Variants in PDE1C observed in about 807,000 individuals in gnomAD.
PDE1C encodes the protein phosphodiesterase 1C, also known as dual specificity calcium/calmodulin-dependent 3',5'-cyclic nucleotide phosphodiesterase 1C.
Under a neutral mutation model 93.1 loss-of-function variants are expected in PDE1C, and 62 were observed. The ratio of observed to expected loss-of-function variants is 0.67; its 90% confidence interval spans 0.54 to 0.82. The LOEUF is 0.82. Among genes scored for constraint, PDE1C ranks in the 40% least tolerant of loss-of-function variants. PDE1C has a pLI of 0.00. For missense variants in PDE1C, 742 were observed against 884.6 expected (o/e 0.84, Z 2.04); for synonymous variants, 325 against 310.1 (o/e 1.05, Z -0.50).
At chr7:32,287,044 G>A (rs1172279047) in intron 1 of PDE1C, among the ~76,000 whole-genome samples, 1 of 152,184 alleles carries the variant, frequency 6.6e-6, no homozygotes, top group Non-Finnish European at 1.5e-5. Context: ...CCCAGATAGA[G>A]AGGAAGAATG....
the PDE1C span, chr7:31,692,320 G>A: frequency 2.6e-6 from 2 of 779,288 alleles, no homozygotes; most frequent in African/African-American, 1.7e-5. Flanking sequence ...AATAGCAGGT[G>A]CTCAACAAAT....
chr7:32,109,098 C>T (rs1477271178), intron 3 of PDE1C, among the ~76,000 whole-genome samples: 1 of 152,068 alleles, frequency 6.6e-6, no homozygotes, highest in Non-Finnish European at 1.5e-5. Context: ...TTACTGAGGG[C>T]CCACCCTTCT....
intron 2 of PDE1C, among the ~76,000 whole-genome samples, chr7:31,964,893 G>C (rs1809660875): frequency 6.6e-6 from 1 of 152,152 alleles, no homozygotes; most frequent in African/African-American, 2.4e-5. Flanking sequence ...TACAGCTGAG[G>C]GTCCTGACTG....
At chr7:32,207,364 A>G (rs1218761425) in intron 2 of PDE1C, among the ~76,000 whole-genome samples, 1 of 150,860 alleles carries the variant, frequency 6.6e-6, no homozygotes, top group Non-Finnish European at 1.5e-5. Flanking sequence ...TCAAAAAAAA[A>G]AAAAAAAACT....
intron 2 of PDE1C, among the ~76,000 whole-genome samples, chr7:32,042,272 C>G (rs559217168): frequency 1.3e-5 from 2 of 152,270 alleles, no homozygotes; most frequent in African/African-American, 4.8e-5. Flanking sequence ...TGCACTCCAG[C>G]CTGGGCAATG....
chr7:32,403,577 G>C (rs1784993214), intron 1 of PDE1C, among the ~76,000 whole-genome samples: 1 of 152,182 alleles, frequency 6.6e-6, no homozygotes, highest in Non-Finnish European at 1.5e-5. Flanking sequence ...CTGCGGTGTG[G>C]AAGCATAAAG....
chr7:31,762,324 T>C (rs1324048637), intron 17 of PDE1C, among the ~76,000 whole-genome samples: 2 of 152,122 alleles, frequency 1.3e-5, no homozygotes, highest in African/African-American at 4.8e-5. Context: ...AAAACTAGAA[T>C]GATTAAGCCC....
the PDE1C span, chr7:31,707,109 G>C: frequency 3.4e-5 from 37 of 1,099,926 alleles, no homozygotes; most frequent in African/African-American, 5.6e-4. Context: ...AGAGGTTTCT[G>C]GGTTGCCATG....
chr7:31,794,042 A>AGATAGATAGACG lies in PDE1C; in HGVS notation c.1891+14988_1891+14989insCGTCTATCTATC, dbSNP rs1157143757. Among the ~76,000 whole-genome samples the AGATAGATAGACG allele has an allele frequency of 2.3e-3, 197 of 84,586 alleles. 2 individuals carry two copies. Among genetic ancestry groups the AGATAGATAGACG allele is most frequent in the East Asian group, 0.011 (27 of 2,472 alleles). The allele number at this position is 84,586 out of a possible 152,430, so 55.5% of individuals were successfully genotyped here. ...TAGATAGATAGATAGATAGATAGATAGACAGACAGACAGACAGACAGACAG... is the reference window on the plus strand; with the variant it reads ...TAGATAGATAGATAGATAGATAGATAGATAGATAGACGGACAGACAGACAGACAGACAGACAG... On this transcript the variant is annotated intron_variant, in intron 16 of 17. Coordinates refer to ENST00000396191, the MANE Select transcript of PDE1C (RefSeq NM_001191057.4).
intron 3 of PDE1C, among the ~76,000 whole-genome samples, chr7:32,117,319 T>C (rs1799038931): frequency 6.6e-6 from 1 of 152,202 alleles, no homozygotes; most frequent in African/African-American, 2.4e-5. Flanking sequence ...AAGAAAACTA[T>C]GTCATATGTA....
chr7:31,839,616 A>G (rs991063705), intron 9 of PDE1C, among the ~76,000 whole-genome samples: 1 of 152,172 alleles, frequency 6.6e-6, no homozygotes. Context: ...TCTAGTTTGG[A>G]ACTATTGTGA....
intron 1 of PDE1C, among the ~76,000 whole-genome samples, chr7:32,420,123 A>G (rs1465127237): frequency 4.4e-5 from 1 of 22,474 alleles, no homozygotes; most frequent in South Asian, 1.2e-3. Context: ...ATATATATAT[A>G]TACACACACA....
chr7:32,270,709 G>A (rs963565319), intron 1 of PDE1C, among the ~76,000 whole-genome samples: 2 of 152,148 alleles, frequency 1.3e-5, no homozygotes, highest in Admixed American at 1.3e-4. Flanking sequence ...GGGATCTCTT[G>A]GGGCATGAGG....
intron 3 of PDE1C, among the ~76,000 whole-genome samples, chr7:32,105,602 G>C (rs1468063010): frequency 6.6e-6 from 1 of 151,966 alleles, no homozygotes; most frequent in Non-Finnish European, 1.5e-5. Flanking sequence ...GCAGATAAGC[G>C]TCCAGCTTCC....
At chr7:32,023,808 G>A (rs1198247512) in intron 2 of PDE1C, among the ~76,000 whole-genome samples, 1 of 152,142 alleles carries the variant, frequency 6.6e-6, no homozygotes, top group Non-Finnish European at 1.5e-5. Flanking sequence ...TTACCATGAT[G>A]GCACAGTAGA....
At chr7:31,631,145 A>G in the PDE1C span, among the ~76,000 whole-genome samples, 8 of 152,342 alleles carry the variant, frequency 5.3e-5, no homozygotes, top group East Asian at 1.5e-3. Context: ...CATTATAAGA[A>G]AATAATACTA....
chr7:31,828,217 C>T, intron 12 of PDE1C, 75 bp downstream of exon 12: 1 of 1,183,940 alleles, frequency 8.4e-7, no homozygotes, highest in Non-Finnish European at 1.2e-6. Context: ...GCCAAAGAAC[C>T]ACTGGGATCA....
At chr7:32,230,224 T>C (rs771940445) in intron 1 of PDE1C, among the ~76,000 whole-genome samples, 2 of 152,112 alleles carry the variant, frequency 1.3e-5, no homozygotes, top group African/African-American at 2.4e-5. Flanking sequence ...CTGAAAACCA[T>C]AGTGATGGCC....
intron 2 of PDE1C, among the ~76,000 whole-genome samples, chr7:31,940,654 C>A (rs1261414744): frequency 6.6e-6 from 1 of 151,354 alleles, no homozygotes; most frequent in Non-Finnish European, 1.5e-5. Flanking sequence ...CAGAGCTTCC[C>A]TGAAGGGCAA....
Sources: gnomAD v4.1 joint callset for allele counts (sites outside exome capture counted in the v4.1 genomes callset) on GRCh38, gnomAD v4.1.1 for gene constraint, MANE v1.5 for transcripts, NCBI Gene and HGNC (gene_info 2026-07-23, HGNC 2026-07-21) for gene names.